Variants in GRM7 observed in about 807,000 individuals in gnomAD.
GRM7 encodes the protein glutamate metabotropic receptor 7.
Under a neutral mutation model 84.5 loss-of-function variants are expected in GRM7, and 35 were observed. The observed-to-expected ratio is 0.41, with a 90% confidence interval of 0.32 to 0.55. The LOEUF (loss-of-function observed/expected upper bound fraction) is 0.55, where lower values mean the gene tolerates loss of function less well. Among genes scored for constraint, GRM7 ranks in the 20% least tolerant of loss-of-function variants. The pLI, the probability that GRM7 is intolerant of heterozygous loss-of-function variation, is 0.19. For synonymous variants in GRM7, 487 were observed against 455.1 expected, an observed-to-expected ratio of 1.07 and a Z score of -0.89; for missense variants, 1,003 against 1,194.6, an observed-to-expected ratio of 0.84 and a Z score of 2.36.
chr3:7,715,436 G>A lies in GRM7; in HGVS notation c.2699-24921G>A, dbSNP rs73123742. 4.5e-3 allele frequency among the ~76,000 whole-genome samples: 681 copies of A among 152,274 alleles called. 5 individuals are homozygous for A. Among genetic ancestry groups the A allele is most frequent in the African/African-American group, 0.014 (596 of 41,560 alleles). On this transcript the variant is annotated intron_variant, in intron 9 of 9. Transcript: ENST00000357716. ...TTTAGTGAGCGACCATCATGCCACT[G>A]CACTCCACGCCATAGCATGACCCTG...
chr3:6,942,688 A>G (rs942256902), intron 1 of GRM7, among the ~76,000 whole-genome samples: 1 of 152,134 alleles, frequency 6.6e-6, no homozygotes, highest in Admixed American at 6.5e-5. Flanking sequence ...TAAAGCTACT[A>G]TGAATATTTG....
At chr3:7,477,671 G>A (rs576981921) in intron 7 of GRM7, among the ~76,000 whole-genome samples, 3 of 152,024 alleles carry the variant, frequency 2.0e-5, no homozygotes, top group African/African-American at 7.2e-5. Flanking sequence ...TGTGATCAAC[G>A]CGAAGAAACA....
chr3:6,932,749 CTCTT>C (rs1189329624), intron 1 of GRM7, among the ~76,000 whole-genome samples: 97 of 124,992 alleles, frequency 7.8e-4, no homozygotes, highest in Middle Eastern at 8.5e-3. Context: ...TCTTCTTTCT[CTCTT>C]TTTTTTTTTT....
chr3:7,611,070 T>G (rs1031186569), intron 8 of GRM7, among the ~76,000 whole-genome samples: 2 of 152,182 alleles, frequency 1.3e-5, no homozygotes, highest in African/African-American at 2.4e-5. Flanking sequence ...TCTTACCTCA[T>G]GGATCACATC....
chr3:7,699,232 T>C (rs2125157067), intron 9 of GRM7, among the ~76,000 whole-genome samples: 1 of 152,260 alleles, frequency 6.6e-6, no homozygotes, highest in East Asian at 1.9e-4. Context: ...ACTGACTACC[T>C]AGTTTTCTGA....
intron 8 of GRM7, among the ~76,000 whole-genome samples, chr3:7,600,921 A>G (rs1696279312): frequency 6.6e-6 from 1 of 152,126 alleles, no homozygotes; most frequent in African/African-American, 2.4e-5. Context: ...ACAGAAATAG[A>G]TAGCAATGTC....
intron 7 of GRM7, among the ~76,000 whole-genome samples, chr3:7,528,063 C>T (rs150084052): frequency 7.8e-4 from 119 of 152,042 alleles, no homozygotes; most frequent in African/African-American, 2.5e-3. Flanking sequence ...AATCCCTCCT[C>T]CTTAATTTTG....
chr3:7,467,347 A>G (rs1270528806), intron 7 of GRM7, among the ~76,000 whole-genome samples: 2 of 152,148 alleles, frequency 1.3e-5, no homozygotes, highest in East Asian at 3.9e-4. Flanking sequence ...TGAGCCTCCC[A>G]AAGTGCTGGG....
At position 7,391,564 on chromosome 3, in the gene GRM7, C is replaced by T. The variant is rs558414474; in HGVS notation, c.1034-23459C>T. 5.3e-5 allele frequency among the ~76,000 whole-genome samples: 8 copies of T among 151,616 alleles called. No homozygotes were observed. In the East Asian group the frequency reaches 5.8e-4, roughly 11 times the overall value. On this transcript the variant is annotated intron_variant, in intron 4 of 9. Coordinates refer to ENST00000357716, the MANE Select transcript of GRM7 (RefSeq NM_000844.4). ...TCACACACCGGGGCCTGTCGTGGGG[C>T]GGGGGAAGTGGGGAGGGATAACATT... is the stretch of plus-strand genomic sequence containing the variant.
chr3:7,201,172 T>C (rs1225044045), intron 2 of GRM7, among the ~76,000 whole-genome samples: 1 of 151,972 alleles, frequency 6.6e-6, no homozygotes, highest in Non-Finnish European at 1.5e-5. Flanking sequence ...CGTTTCACCA[T>C]GTTAGCCAGG....
intron 1 of GRM7, among the ~76,000 whole-genome samples, chr3:7,130,167 C>G (rs943247355): frequency 1.3e-5 from 2 of 152,106 alleles, no homozygotes; most frequent in African/African-American, 4.8e-5. Context: ...CTAAAACGTC[C>G]CTTATAACCT....
At chr3:6,980,708 C>A (rs945951615) in intron 1 of GRM7, among the ~76,000 whole-genome samples, 2 of 152,196 alleles carry the variant, frequency 1.3e-5, no homozygotes, top group Admixed American at 1.3e-4. Context: ...CACTCACGTG[C>A]AAGTTCTTAC....
intron 1 of GRM7, among the ~76,000 whole-genome samples, chr3:6,916,521 G>A (rs1169114687): frequency 6.6e-6 from 1 of 152,150 alleles, no homozygotes; most frequent in African/African-American, 2.4e-5. Flanking sequence ...GAGTTCTAGA[G>A]GCTGGGAAGT....
At chr3:6,955,390 A>G (rs558511433) in intron 1 of GRM7, among the ~76,000 whole-genome samples, 1 of 152,172 alleles carries the variant, frequency 6.6e-6, no homozygotes, top group Admixed American at 6.5e-5. Context: ...TACAAAAATT[A>G]GCTGGGCATG....
At chr3:7,489,948 C>T (rs1427073357) in intron 7 of GRM7, among the ~76,000 whole-genome samples, 2 of 151,328 alleles carry the variant, frequency 1.3e-5, no homozygotes, top group East Asian at 1.9e-4. Context: ...CTATATACTC[C>T]ATATTATTAA....
At chr3:7,037,475 G>GT (rs1391809071) in intron 1 of GRM7, among the ~76,000 whole-genome samples, 1 of 152,124 alleles carries the variant, frequency 6.6e-6, no homozygotes, top group East Asian at 1.9e-4. Context: ...ATCCAGAATT[G>GT]TTTTAAGAAT....
intron 8 of GRM7, among the ~76,000 whole-genome samples, chr3:7,604,135 T>TA (rs34089815): frequency 0.15 from 21,714 of 146,342 alleles, 1,489 homozygotes; most frequent in Admixed American, 0.17. Context: ...GGTTTGTTCT[T>TA]AAAAAAAAAA....
At chr3:7,036,737 A>G (rs938196031) in intron 1 of GRM7, among the ~76,000 whole-genome samples, 6 of 152,178 alleles carry the variant, frequency 3.9e-5, no homozygotes, top group Admixed American at 6.5e-5. Flanking sequence ...CTGCATGGCA[A>G]TTTTGCAGTT....
At chr3:7,198,352 G>C (rs1323638692) in intron 2 of GRM7, among the ~76,000 whole-genome samples, 3 of 152,104 alleles carry the variant, frequency 2.0e-5, no homozygotes, top group African/African-American at 7.2e-5. Flanking sequence ...TATAGTGATA[G>C]AATTCAGTGT....
Sources: allele counts gnomAD v4.1 joint callset (sites outside exome capture counted in the v4.1 genomes callset), GRCh38; gene constraint gnomAD v4.1.1; transcripts MANE v1.5; gene names NCBI Gene and HGNC (gene_info 2026-07-23, HGNC 2026-07-21).